The following MCCC1 variants were observed in gnomAD, a reference collection of about 807,000 sequenced individuals.
The protein encoded by MCCC1 is methylcrotonyl-CoA carboxylase subunit 1, also known as methylcrotonoyl-CoA carboxylase subunit alpha, mitochondrial.
In MCCC1, 64 loss-of-function variants were observed where a neutral mutation model predicts 83.8. That is an observed-to-expected ratio of 0.76 (90% CI 0.62 to 0.94). The LOEUF is 0.94. Among genes scored for constraint, MCCC1 ranks in the 40% least tolerant of loss-of-function variants. The pLI, the probability that MCCC1 is intolerant of heterozygous loss-of-function variation, is 0.00. For missense variants in MCCC1, 807 were observed against 904.7 expected, an observed-to-expected ratio of 0.89 and a Z score of 1.39; for synonymous variants, 322 against 315.4, an observed-to-expected ratio of 1.02 and a Z score of -0.22.
Position 183,064,038 on chromosome 3 carries a change from G to C in MCCC1, c.762-6616C>G, listed in dbSNP as rs531334041. Among the ~76,000 whole-genome samples, 1 of 152,146 alleles carries C rather than the reference G, an allele frequency of 6.6e-6. No individual in the cohort carries two copies. The highest frequency in any genetic ancestry group is 6.5e-5 in the Admixed American group (1 of 15,284). ...TGGGTTTGAAGCCCAACTTAGGAAG[G>C]TTAGATTCCTTCCTAAGATTTAGGG... On this transcript the variant is annotated intron_variant, in intron 7 of 18. Transcript: ENST00000265594. This position sits in a 1 kb window ranked among gnomAD's most constrained non-coding sequence, Gnocchi z 4.5.
chr3:183,038,982 G>T (rs371643481), intron 12 of MCCC1, 44 bp downstream of exon 12: 120 of 1,559,130 alleles, frequency 7.7e-5, no homozygotes, highest in Admixed American at 1.3e-4. Context: ...CTCTGGTGCT[G>T]ACCAAACACA....
At chr3:183,059,982 G>A (rs114421634) in intron 7 of MCCC1, among the ~76,000 whole-genome samples, 2 of 151,848 alleles carry the variant, frequency 1.3e-5, no homozygotes, top group African/African-American at 4.8e-5. Flanking sequence ...ATTCTTCTTG[G>A]TGTCCTCTGA....
At chr3:183,082,876 G>A (rs185745795) in intron 4 of MCCC1, among the ~76,000 whole-genome samples, 90 of 152,160 alleles carry the variant, frequency 5.9e-4, no homozygotes, top group South Asian at 3.5e-3. Context: ...TCCCATCACA[G>A]CTACTTGGGA....
chr3:183,081,415 T>C (rs1033121860), intron 4 of MCCC1, among the ~76,000 whole-genome samples: 2 of 152,140 alleles, frequency 1.3e-5, no homozygotes, highest in South Asian at 2.1e-4. Flanking sequence ...AACCTTTTAG[T>C]TTGTATTTAC....
upstream of MCCC1, among the ~76,000 whole-genome samples, chr3:183,100,278 ACT>A (rs959065168): frequency 9.2e-5 from 14 of 152,334 alleles, no homozygotes; most frequent in South Asian, 2.9e-3. Context: ...TGAACTTAAA[ACT>A]CTGGATGAAA....
At chr3:183,094,482 A>C (rs1718596396) in intron 2 of MCCC1, 77 bp downstream of exon 2, 1 of 1,359,900 alleles carries the variant, frequency 7.4e-7, no homozygotes, top group East Asian at 2.3e-5. Context: ...GCATATATTA[A>C]GGGATTAAAC....
upstream of MCCC1, among the ~76,000 whole-genome samples, chr3:183,102,424 G>A (rs182705659): frequency 5.3e-5 from 8 of 152,142 alleles, no homozygotes; most frequent in Non-Finnish European, 8.8e-5. Context: ...ATAACACACT[G>A]TAAATAAGCA....
rs113651281 is a variant in MCCC1, at chr3:183,019,107, C to T, written c.1977+1023G>A. Among the ~76,000 whole-genome samples the T allele has an allele frequency of 4.6e-3, 703 of 152,256 alleles. 3 individuals carry two copies. The highest frequency in any genetic ancestry group is 0.016 in the African/African-American group (660 of 41,548). ...CCCACTTGGGGTAAATATTTCCAAA[C>T]GAGAATAGTGGCTGAAATCACCCAC... On this transcript the variant is annotated intron_variant, in intron 17 of 18. Transcript: ENST00000265594.
upstream of MCCC1, chr3:183,099,521 G>C: frequency 6.6e-7 from 1 of 1,512,758 alleles, no homozygotes; most frequent in South Asian, 1.2e-5. Context: ...CCTCCACTAC[G>C]AAGCCTCGTG....
chr3:183,056,575 A>G (rs2108504478), intron 8 of MCCC1, among the ~76,000 whole-genome samples: 1 of 152,376 alleles, frequency 6.6e-6, no homozygotes, highest in East Asian at 1.9e-4. Flanking sequence ...AAGGCAGGAA[A>G]ATCTCTCACA....
chr3:183,076,496 T>G (rs1717084901), intron 4 of MCCC1, among the ~76,000 whole-genome samples: 2 of 152,346 alleles, frequency 1.3e-5, no homozygotes, highest in Admixed American at 1.3e-4. Flanking sequence ...CAAGTCTGTG[T>G]GAACATATTT....
chr3:183,081,083 T>C (rs1393574882), intron 4 of MCCC1, among the ~76,000 whole-genome samples: 1 of 152,156 alleles, frequency 6.6e-6, no homozygotes, highest in East Asian at 1.9e-4. Context: ...CTTGTGAAAA[T>C]AAAATTCAGT....
Position 183,030,086 on chromosome 3 carries a change from T to C in MCCC1, c.1681+3905A>G, listed in dbSNP as rs149623758. Among the ~76,000 whole-genome samples, 598 of 152,262 alleles carry C rather than the reference T, an allele frequency of 3.9e-3. 2 individuals are homozygous for C. Among genetic ancestry groups the C allele is most frequent in the African/African-American group, 0.014 (563 of 41,550 alleles). ...ACTTTGGGAGGCCGAGGTGGGCGGA[T>C]AGCCTGAGGTCAGGAATTCGAGACC... On this transcript the variant is annotated intron_variant, in intron 14 of 18. Coordinates refer to ENST00000265594, the MANE Select transcript of MCCC1 (RefSeq NM_020166.5).
At chr3:183,097,873 CAAG>C (rs975023114) in intron 1 of MCCC1, among the ~76,000 whole-genome samples, 8 of 152,206 alleles carry the variant, frequency 5.3e-5, no homozygotes, top group Non-Finnish European at 1.0e-4. Flanking sequence ...ACCAGAAGAA[CAAG>C]AAGAACATTA....
intron 1 of MCCC1, chr3:183,099,065 G>A: frequency 5.3e-6 from 3 of 560,892 alleles, no homozygotes; most frequent in Non-Finnish European, 6.4e-6. Context: ...CAGCGACGGC[G>A]AGGGGAGCCT....
intron 12 of MCCC1, among the ~76,000 whole-genome samples, chr3:183,038,754 G>A (rs1049359197): frequency 1.5e-4 from 23 of 152,184 alleles, no homozygotes; most frequent in African/African-American, 5.6e-4. Context: ...TGTATAGCTG[G>A]CCTTATCTAC....
At chr3:183,019,135 T>G (rs1711934487) in intron 17 of MCCC1, among the ~76,000 whole-genome samples, 1 of 152,212 alleles carries the variant, frequency 6.6e-6, no homozygotes, top group African/African-American at 2.4e-5. Flanking sequence ...TCACCCACAC[T>G]ATTTAAGTAG....
In MCCC1 at chr3:183,027,042, T is replaced by A. The variant is rs1172885862; in HGVS notation, c.1682-1238A>T. On this transcript the variant is annotated intron_variant, in intron 14 of 18. Transcript: ENST00000265594. Reference sequence around the variant, plus strand: ...AGCATGTGCTCACTTCGTGTCTCTATGTCACATTTTTGTAATTCTTACAAT... The same window carrying A: ...AGCATGTGCTCACTTCGTGTCTCTAAGTCACATTTTTGTAATTCTTACAAT... Among the ~76,000 whole-genome samples, 3 of 152,256 alleles carry A rather than the reference T, an allele frequency of 2.0e-5. No homozygotes were observed. In the East Asian group the frequency reaches 5.8e-4, roughly 29 times the overall value.
In MCCC1 at chr3:183,105,683, C is replaced by T. The variant is rs139355773; in HGVS notation, c.-102+9791G>A. On this transcript the variant is annotated intron_variant, in intron 1 of 17. Transcript: ENST00000492597. ...AGTTGTCATAATCAAAAAGGAGTCA[C>T]TAATGGTAAAAAAGAAGAAAGAAAA... Among the ~76,000 whole-genome samples, 590 of 151,474 alleles carry T rather than the reference C, an allele frequency of 3.9e-3. 3 individuals carry two copies. The highest frequency in any genetic ancestry group is 0.014 in the African/African-American group (569 of 41,100).
Sources: allele counts gnomAD v4.1 joint callset (sites outside exome capture counted in the v4.1 genomes callset), GRCh38; gene constraint gnomAD v4.1.1; non-coding constraint Gnocchi (gnomAD v3.1); transcripts MANE v1.5; gene names NCBI Gene and HGNC (gene_info 2026-07-23, HGNC 2026-07-21).